RNF180: variants seen among roughly 807,000 people sequenced by gnomAD.
The protein encoded by RNF180 is ring finger protein 180, also known as E3 ubiquitin-protein ligase RNF180.
Under a neutral mutation model 59.2 loss-of-function variants are expected in RNF180, and 38 were observed. The ratio of observed to expected loss-of-function variants is 0.64; its 90% CI spans 0.50 to 0.84. The LOEUF is 0.84. Among genes scored for constraint, RNF180 ranks in the 40% least tolerant of loss-of-function variants. The pLI is 0.00. For synonymous variants in RNF180, 262 were observed against 240.3 expected (o/e 1.09, Z -0.84); for missense variants, 705 against 700.9 (o/e 1.01, Z -0.07).
chr5:64,219,006 T>C lies in RNF180; in HGVS notation c.1227+1610T>C, dbSNP rs536389912. ...GCTAATGTTTTATTAAATCATAGTT[T>C]CCAATTCTTCATTATAGTATAATGC... On this transcript the variant is annotated intron_variant, in intron 5 of 7. Transcript: ENST00000389100. Among the ~76,000 whole-genome samples, 271 of 152,342 alleles carry C rather than the reference T, an allele frequency of 1.8e-3. 1 individual carries two copies. The highest frequency in any genetic ancestry group is 2.7e-3 in the Admixed American group (42 of 15,296).
intron 5 of RNF180, among the ~76,000 whole-genome samples, chr5:64,233,830 G>A (rs978580932): frequency 9.9e-5 from 15 of 152,192 alleles, no homozygotes; most frequent in Admixed American, 8.5e-4. Context: ...CAGAGTGTTA[G>A]AACTGGAAAG....
intron 1 of RNF180, among the ~76,000 whole-genome samples, chr5:64,193,950 T>C (rs1751312399): frequency 6.6e-6 from 1 of 152,154 alleles, no homozygotes; most frequent in Admixed American, 6.5e-5. Context: ...AGCATGAGGT[T>C]ATATTGATGA....
chr5:64,369,669 A>ACAGTG lies in RNF180; in HGVS notation c.1637_1638insTGCAG (p.Arg546SerfsTer23). The ACAGTG allele has an allele frequency of 6.5e-7, 1 of 1,546,462 alleles. No individual in the cohort carries two copies. The highest frequency in any genetic ancestry group is 8.7e-7 in the Non-Finnish European group (1 of 1,144,782). On this transcript the variant is annotated frameshift_variant, in exon 8 of 8. Coordinates refer to ENST00000389100, the MANE Select transcript of RNF180 (RefSeq NM_001113561.2). LOFTEE classifies it high-confidence loss of function. ...AGAAGGCAGTTCCCACACGGTGCACACAGGATGGATTACCTGCACTTTGAG... is the reference window on the plus strand; with the variant it reads ...AGAAGGCAGTTCCCACACGGTGCACACAGTGCAGGATGGATTACCTGCACTTTGAG...
chr5:64,205,194 G>A (rs975941347), intron 2 of RNF180, among the ~76,000 whole-genome samples: 3 of 152,144 alleles, frequency 2.0e-5, no homozygotes, highest in African/African-American at 4.8e-5. Flanking sequence ...CTTTTGTAAT[G>A]TTGTGTGGGT....
chr5:64,250,890 GAC>G (rs1743526161), intron 5 of RNF180, among the ~76,000 whole-genome samples: 1 of 152,066 alleles, frequency 6.6e-6, no homozygotes, highest in African/African-American at 2.4e-5. Context: ...AAGCCAGACA[GAC>G]ACACTACAAT....
rs1384209834 is a variant in RNF180, at chr5:64,370,948, T to A, written c.*1134T>A. On this transcript the variant is annotated 3_prime_UTR_variant, in exon 8 of 8. Coordinates refer to ENST00000389100, the MANE Select transcript of RNF180 (RefSeq NM_001113561.2). ...GTAATTCAATAAGCAAACTTTTACA[T>A]AAAATAGGTGACTCTCTCGTGGCAC... 1 of 151,680 alleles carries A rather than the reference T, an allele frequency of 6.6e-6. No homozygotes were observed. The highest frequency in any genetic ancestry group is 1.5e-5 in the Non-Finnish European group (1 of 67,744). The allele number at this position is 151,680 out of a possible 1,614,324, so 9.4% of individuals were successfully genotyped here.
intron 1 of RNF180, among the ~76,000 whole-genome samples, chr5:64,183,439 AC>A (rs1387815079): frequency 2.1e-4 from 27 of 131,638 alleles, no homozygotes; most frequent in Non-Finnish European, 3.6e-4. Context: ...GAGAAAGTAT[AC>A]CTTTTTTTTT....
chr5:64,225,306 G>A (rs1392520529), intron 5 of RNF180, among the ~76,000 whole-genome samples: 3 of 150,718 alleles, frequency 2.0e-5, no homozygotes, highest in African/African-American at 4.9e-5. Flanking sequence ...CCCCGTCTGG[G>A]AAGTGTGGAG....
At chr5:64,254,016 A>AGG (rs1743766553) in intron 5 of RNF180, among the ~76,000 whole-genome samples, 1 of 152,146 alleles carries the variant, frequency 6.6e-6, no homozygotes, top group African/African-American at 2.4e-5. Context: ...CTAACTTCAC[A>AGG]TATATGTAAT....
intron 5 of RNF180, among the ~76,000 whole-genome samples, chr5:64,236,426 A>C (rs1181766582): frequency 6.6e-6 from 1 of 152,350 alleles, no homozygotes; most frequent in African/African-American, 2.4e-5. Context: ...GTGTTCAGTT[A>C]TATGCATTCA....
At chr5:64,168,548 TTACA>T (rs1749769827) in intron 1 of RNF180, among the ~76,000 whole-genome samples, 1 of 152,198 alleles carries the variant, frequency 6.6e-6, no homozygotes, top group South Asian at 2.1e-4. Flanking sequence ...GATATTTTAC[TTACA>T]TATTAAATAG....
chr5:64,356,170 G>A (rs1746016940), intron 7 of RNF180, among the ~76,000 whole-genome samples: 1 of 151,722 alleles, frequency 6.6e-6, no homozygotes, highest in South Asian at 2.1e-4. Context: ...TGACATCTGG[G>A]AGCATTTTTT....
At chr5:64,204,015 TTAAAAA>T (rs1249063450) in intron 2 of RNF180, among the ~76,000 whole-genome samples, 3 of 152,174 alleles carry the variant, frequency 2.0e-5, no homozygotes, top group Non-Finnish European at 4.4e-5. Context: ...AACTGTACAG[TTAAAAA>T]TAAGCCATAT....
At chr5:64,277,574 A>C (rs1193178253) in intron 5 of RNF180, among the ~76,000 whole-genome samples, 1 of 152,058 alleles carries the variant, frequency 6.6e-6, no homozygotes, top group African/African-American at 2.4e-5. Flanking sequence ...TTTAGCTGTA[A>C]ATAACAAAAA....
intron 4 of RNF180, among the ~76,000 whole-genome samples, chr5:64,216,453 T>G (rs1055298037): frequency 2.6e-5 from 4 of 152,154 alleles, no homozygotes; most frequent in African/African-American, 9.7e-5. Context: ...AATCTTGCCC[T>G]TTTTAAAATG....
At position 64,221,133 on chromosome 5, in the gene RNF180, C is replaced by A. The variant is rs565650077; in HGVS notation, c.1227+3737C>A. Among the ~76,000 whole-genome samples, 9 of 152,048 alleles carry A rather than the reference C, an allele frequency of 5.9e-5. No homozygotes were observed. In the East Asian group the frequency reaches 1.7e-3, roughly 29 times the overall value. On this transcript the variant is annotated intron_variant, in intron 5 of 7. Coordinates refer to ENST00000389100, the MANE Select transcript of RNF180 (RefSeq NM_001113561.2). ...ATCTCTTGATTCATCATCTTAAAAT[C>A]TTATACAAATCACACTCCAAATATA...
At chr5:64,323,264 G>A (rs938294900) in intron 5 of RNF180, among the ~76,000 whole-genome samples, 6 of 152,112 alleles carry the variant, frequency 3.9e-5, no homozygotes, top group Admixed American at 1.3e-4. Flanking sequence ...ATATAGGCTG[G>A]GTGTGGTGTC....
intron 5 of RNF180, among the ~76,000 whole-genome samples, chr5:64,222,937 G>GT (rs1276154886): frequency 6.7e-6 from 1 of 150,074 alleles, no homozygotes; most frequent in South Asian, 2.2e-4. Context: ...AGAATGTTTT[G>GT]TAACAGAGGA....
chr5:64,186,350 A>C (rs1750874630), intron 1 of RNF180, among the ~76,000 whole-genome samples: 1 of 152,166 alleles, frequency 6.6e-6, no homozygotes, highest in Non-Finnish European at 1.5e-5. Flanking sequence ...TAATATATTT[A>C]ACATAAGGTA....
Sources: allele counts gnomAD v4.1 joint callset (sites outside exome capture counted in the v4.1 genomes callset), GRCh38; gene constraint gnomAD v4.1.1; transcripts MANE v1.5; gene names NCBI Gene and HGNC (gene_info 2026-07-23, HGNC 2026-07-21).